Variants in PLEKHD1 observed in about 807,000 individuals in gnomAD.
The protein encoded by PLEKHD1 is pleckstrin homology and coiled-coil domain containing D1.
In PLEKHD1, 51 loss-of-function variants were observed where a neutral mutation model predicts 69.2. The observed-to-expected ratio is 0.74, with a 90% CI of 0.59 to 0.93. The LOEUF (loss-of-function observed/expected upper bound fraction) is 0.93. Among genes scored for constraint, PLEKHD1 ranks in the 40% least tolerant of loss-of-function variants. The probability of loss-of-function intolerance (pLI) is 0.00; values close to 1 mark genes in which losing one functional copy is unlikely to be tolerated. For missense variants in PLEKHD1, 584 were observed against 641.0 expected, an observed-to-expected ratio of 0.91 and a Z score of 0.96; for synonymous variants, 236 against 244.7, an observed-to-expected ratio of 0.96 and a Z score of 0.33.
chr14:69,516,035 G>T (rs1051800519), intron 6 of PLEKHD1, among the ~76,000 whole-genome samples: 1 of 152,160 alleles, frequency 6.6e-6, no homozygotes, highest in African/African-American at 2.4e-5. Flanking sequence ...TAGAGACAGG[G>T]TCTCACTATG....
upstream of PLEKHD1, among the ~76,000 whole-genome samples, chr14:69,483,670 C>T (rs1882588223): frequency 6.6e-6 from 1 of 152,256 alleles, no homozygotes; most frequent in South Asian, 2.1e-4. Context: ...ATCTGGCTCT[C>T]GGGCTAACCA....
At chr14:69,516,177 T>A (rs1203036929) in intron 6 of PLEKHD1, among the ~76,000 whole-genome samples, 1 of 152,232 alleles carries the variant, frequency 6.6e-6, no homozygotes, top group South Asian at 2.1e-4. Flanking sequence ...ATTCCTTACA[T>A]GCTGAACTGG....
At chr14:69,474,940 C>T in the PLEKHD1 span, among the ~76,000 whole-genome samples, 1 of 152,168 alleles carries the variant, frequency 6.6e-6, no homozygotes, top group Non-Finnish European at 1.5e-5. Context: ...AATGTGACCT[C>T]GAGTTCCTGG....
chr14:69,477,286 G>C, the PLEKHD1 span, among the ~76,000 whole-genome samples: 1 of 152,114 alleles, frequency 6.6e-6, no homozygotes, highest in Admixed American at 6.6e-5. Flanking sequence ...AACAGCACAG[G>C]AAAGACCCAC....
intron 7 of PLEKHD1, 54 bp from the exon 8 acceptor site, chr14:69,524,175 T>C: frequency 7.3e-7 from 1 of 1,374,140 alleles, no homozygotes. Context: ...CAGAGGTGAT[T>C]GGTGGGGGGT....
At chr14:69,483,731 A>G (rs74061833), upstream of PLEKHD1, among the ~76,000 whole-genome samples, 26,849 of 152,286 alleles carry the variant, frequency 0.18, 2,612 homozygotes, top group African/African-American at 0.25. Context: ...TTGGCTCCTC[A>G]TCTTGGAAAA....
the PLEKHD1 span, among the ~76,000 whole-genome samples, chr14:69,472,515 A>AAG: frequency 6.6e-6 from 1 of 152,202 alleles, no homozygotes; most frequent in Non-Finnish European, 1.5e-5. Flanking sequence ...GTGCTTTATA[A>AAG]AGCAGCCATG....
At chr14:69,473,984 A>G in the PLEKHD1 span, among the ~76,000 whole-genome samples, 1 of 152,056 alleles carries the variant, frequency 6.6e-6, no homozygotes, top group South Asian at 2.1e-4. Context: ...TGGCAGTAGA[A>G]CCTATATTGT....
At chr14:69,521,654 T>C (rs1481582991) in intron 6 of PLEKHD1, among the ~76,000 whole-genome samples, 1 of 152,142 alleles carries the variant, frequency 6.6e-6, no homozygotes, top group Non-Finnish European at 1.5e-5. Flanking sequence ...ACACAGTTGC[T>C]GGGAAAACAC....
chr14:69,508,133 G>A (rs1454399335), intron 6 of PLEKHD1, among the ~76,000 whole-genome samples: 1 of 151,988 alleles, frequency 6.6e-6, no homozygotes, highest in South Asian at 2.1e-4. Flanking sequence ...TTTAGGCCGG[G>A]CGTGGTGGCT....
chr14:69,496,918 C>T (rs1882902412), intron 1 of PLEKHD1, among the ~76,000 whole-genome samples: 1 of 152,068 alleles, frequency 6.6e-6, no homozygotes, highest in Non-Finnish European at 1.5e-5. Context: ...CCTTCCTTAA[C>T]ATTAATTACC....
intron 6 of PLEKHD1, among the ~76,000 whole-genome samples, chr14:69,508,465 A>G (rs1883200592): frequency 6.6e-6 from 1 of 151,996 alleles, no homozygotes. Context: ...ACTGTCATCC[A>G]GGCTGAGTGC....
chr14:69,478,612 A>G, the PLEKHD1 span, among the ~76,000 whole-genome samples: 2 of 152,110 alleles, frequency 1.3e-5, no homozygotes, highest in African/African-American at 4.8e-5. Context: ...AAGTTCCACA[A>G]ATCTCTAGGG....
intron 5 of PLEKHD1, 163 bp from the exon 6 acceptor site, chr14:69,502,664 C>A: frequency 1.3e-6 from 1 of 746,018 alleles, no homozygotes. Flanking sequence ...GTGGCAGCTT[C>A]CATCACCAGG....
upstream of PLEKHD1, among the ~76,000 whole-genome samples, chr14:69,483,366 A>G (rs1055901351): frequency 4.6e-5 from 7 of 151,976 alleles, no homozygotes; most frequent in African/African-American, 1.2e-4. Flanking sequence ...CAGGCAGGTC[A>G]GACAATAGGG....
chr14:69,483,076 C>T (rs1882575491), upstream of PLEKHD1, among the ~76,000 whole-genome samples: 1 of 152,054 alleles, frequency 6.6e-6, no homozygotes, highest in Non-Finnish European at 1.5e-5. Context: ...CCAGTCCCAC[C>T]TCCTCCCACC....
rs974133071 is a variant in PLEKHD1 at position 69,484,774 on chromosome 14, T to C, written c.-192T>C. On this transcript the variant is annotated 5_prime_UTR_variant, in exon 1 of 13. Coordinates refer to ENST00000322564, the MANE Select transcript of PLEKHD1 (RefSeq NM_001161498.2). ...GCAATCCGGAGCCCAAGCCGCCGGC[T>C]ACGCGCCCTGCGCCCCCTTGGTGCC... 5 of 613,032 alleles carry C rather than the reference T, an allele frequency of 8.2e-6. No individual in the cohort carries two copies. The highest frequency in any genetic ancestry group is 1.3e-5 in the Non-Finnish European group (5 of 372,212). The allele number at this position is 613,032 out of a possible 1,614,324, so 38.0% of individuals were successfully genotyped here. A position where few individuals can be genotyped will look rare whatever the true frequency, so the allele number is the denominator to read the frequency against.
rs1882622237 is a variant in PLEKHD1, at chr14:69,484,994, C to T, written c.29C>T (p.Ser10Leu). Residue 10 changes from serine (S) to leucine (L), a missense_variant, in exon 1 of 13, where the codon TCG (serine) becomes TTG (leucine). Transcript: ENST00000322564. The part of the protein sequence containing the change: MFTSKSNSV[S>L]PSPSLEQADS... The stretch of plus-strand genomic sequence containing the variant: ...TTCACGTCCAAGTCCAACTCGGTGT[C>T]GCCCTCGCCGTCCCTGGAGCAGGCT... 3.9e-6 allele frequency: 6 copies of T among 1,551,136 alleles called. No homozygotes were observed. Among genetic ancestry groups the T allele is most frequent in the Non-Finnish European group, 5.2e-6 (6 of 1,146,846 alleles).
chr14:69,516,430 G>A (rs748219462), intron 6 of PLEKHD1, among the ~76,000 whole-genome samples: 1 of 151,626 alleles, frequency 6.6e-6, no homozygotes, highest in Admixed American at 6.6e-5. Flanking sequence ...TCAGCATATT[G>A]GATATTCAGT....
Sources: allele counts gnomAD v4.1 joint callset (sites outside exome capture counted in the v4.1 genomes callset), GRCh38; gene constraint gnomAD v4.1.1; transcripts MANE v1.5; gene names NCBI Gene and HGNC (gene_info 2026-07-23, HGNC 2026-07-21).